GMDS: variants seen among roughly 807,000 people sequenced by gnomAD.
GMDS encodes GDP-mannose 4,6 dehydratase.
Under a neutral mutation model 49.9 loss-of-function variants are expected in GMDS, and 20 were observed. The ratio of observed to expected loss-of-function variants is 0.40; its 90% confidence interval spans 0.28 to 0.58. GMDS has a LOEUF of 0.58. GMDS is among the 20% of genes least tolerant of loss of function. The pLI is 0.42. For missense variants in GMDS, 362 were observed against 481.4 expected, an observed-to-expected ratio of 0.75 and a Z score of 2.32; for synonymous variants, 177 against 178.6, an observed-to-expected ratio of 0.99 and a Z score of 0.07.
intron 6 of GMDS, among the ~76,000 whole-genome samples, chr6:1,932,545 T>TA (rs1250158549): frequency 6.7e-6 from 1 of 150,078 alleles, no homozygotes; most frequent in Non-Finnish European, 1.5e-5. Flanking sequence ...TTCTTTTTTT[T>TA]TTTTTTTTTT....
chr6:2,051,828 A>G (rs1770412427), intron 4 of GMDS, among the ~76,000 whole-genome samples: 1 of 152,170 alleles, frequency 6.6e-6, no homozygotes, highest in African/African-American at 2.4e-5. Context: ...GTATTAAGAA[A>G]AGTGGGCTGG....
chr6:2,198,072 GCTTA>G (rs1438126093), intron 1 of GMDS, among the ~76,000 whole-genome samples: 1 of 152,190 alleles, frequency 6.6e-6, no homozygotes, highest in African/African-American at 2.4e-5. Flanking sequence ...CGTGCCACAG[GCTTA>G]CTGTGAACGA....
In GMDS at chr6:1,778,352, T is replaced by G. The variant is rs1157888041; in HGVS notation, c.772-35766A>C. On this transcript the variant is annotated intron_variant, in intron 7 of 10. Transcript: ENST00000380815. This position sits in a 1 kb window ranked among gnomAD's most constrained non-coding sequence, Gnocchi z 4.6. ...CTGTTTAGGATAATGGAATACTGAT[T>G]GAAGTCAATTATTATAACACCTGAA... Among the ~76,000 whole-genome samples the G allele has an allele frequency of 1.3e-5, 2 of 152,316 alleles. No homozygotes were observed. Among genetic ancestry groups the G allele is most frequent in the Admixed American group, 6.5e-5 (1 of 15,296 alleles).
chr6:1,759,213 G>A (rs1033492518), intron 7 of GMDS, among the ~76,000 whole-genome samples: 2 of 152,204 alleles, frequency 1.3e-5, no homozygotes, highest in Non-Finnish European at 2.9e-5. Context: ...GGGGAAGGAA[G>A]ACTGATAGGG....
chr6:1,719,534 A>C (rs1421113982), intron 9 of GMDS, among the ~76,000 whole-genome samples: 2 of 152,160 alleles, frequency 1.3e-5, no homozygotes, highest in African/African-American at 4.8e-5. Flanking sequence ...TTATCTGTGA[A>C]ATCTCCATGA....
At chr6:2,050,837 C>T (rs182846535) in intron 4 of GMDS, among the ~76,000 whole-genome samples, 50 of 152,236 alleles carry the variant, frequency 3.3e-4, no homozygotes, top group African/African-American at 1.2e-3. Flanking sequence ...ATCCCTTCAT[C>T]CTAAAAACTA....
intron 8 of GMDS, among the ~76,000 whole-genome samples, chr6:1,737,630 C>T (rs1315182862): frequency 1.4e-5 from 2 of 146,650 alleles, no homozygotes; most frequent in Non-Finnish European, 3.0e-5. Context: ...CACACAGATA[C>T]ACACGCACAC....
intron 7 of GMDS, among the ~76,000 whole-genome samples, chr6:1,890,092 G>T (rs1759802528): frequency 6.6e-6 from 1 of 152,078 alleles, no homozygotes; most frequent in Non-Finnish European, 1.5e-5. Flanking sequence ...AAGTTTTCAT[G>T]TGGAAGTATG....
intron 4 of GMDS, among the ~76,000 whole-genome samples, chr6:1,965,669 T>C (rs1282211470): frequency 6.6e-6 from 1 of 151,462 alleles, no homozygotes; most frequent in African/African-American, 2.4e-5. Context: ...CAAAAAAAAT[T>C]AAAAGTAAAA....
chr6:2,182,924 TC>T (rs2127562782), intron 1 of GMDS, among the ~76,000 whole-genome samples: 1 of 152,270 alleles, frequency 6.6e-6, no homozygotes, highest in Admixed American at 6.5e-5. Flanking sequence ...CCCAGGTTGG[TC>T]TCAAGCTCCT....
At chr6:2,008,681 T>C (rs1767355926) in intron 4 of GMDS, among the ~76,000 whole-genome samples, 1 of 152,228 alleles carries the variant, frequency 6.6e-6, no homozygotes, top group Non-Finnish European at 1.5e-5. Flanking sequence ...AGGCCAAGAC[T>C]GTAGAAAATG....
chr6:1,815,097 C>T (rs1205255232), intron 7 of GMDS, among the ~76,000 whole-genome samples: 3 of 152,196 alleles, frequency 2.0e-5, no homozygotes, highest in Admixed American at 6.5e-5. Context: ...TAATCTCCCA[C>T]GTACATAGTA....
chr6:1,875,535 T>G (rs1454503432), intron 7 of GMDS, among the ~76,000 whole-genome samples: 3 of 152,170 alleles, frequency 2.0e-5, no homozygotes, highest in Non-Finnish European at 4.4e-5. Context: ...AGAATTATAT[T>G]GGTAGATTCA....
chr6:1,660,664 C>T (rs945921460), intron 9 of GMDS, among the ~76,000 whole-genome samples: 4 of 149,778 alleles, frequency 2.7e-5, no homozygotes, highest in African/African-American at 9.9e-5. Flanking sequence ...TGCAGATCAA[C>T]TGAATAAGAG....
intron 1 of GMDS, among the ~76,000 whole-genome samples, chr6:2,239,778 C>T (rs908786246): frequency 1.3e-5 from 2 of 152,180 alleles, no homozygotes; most frequent in East Asian, 1.9e-4. Context: ...CTCTGCCTCC[C>T]GGGTTCACCC....
chr6:2,025,410 T>C (rs1768534866), intron 4 of GMDS, among the ~76,000 whole-genome samples: 2 of 141,656 alleles, frequency 1.4e-5, no homozygotes, highest in African/African-American at 5.3e-5. Context: ...GTGTGTGTTT[T>C]GGTAAATATT....
intron 1 of GMDS, among the ~76,000 whole-genome samples, chr6:2,199,571 C>CTAGAACAGCCTAT: frequency 6.6e-6 from 1 of 152,180 alleles, no homozygotes; most frequent in Non-Finnish European, 1.5e-5. Flanking sequence ...ATACAGCCTA[C>CTAGAACAGCCTAT]TCAGGACCTT....
chr6:1,893,193 C>CT (rs1197199049), intron 7 of GMDS, among the ~76,000 whole-genome samples: 39,061 of 127,446 alleles, frequency 0.31, 6,313 homozygotes, highest in African/African-American at 0.36. Flanking sequence ...TTTTTGTTTT[C>CT]TTTTTTTTTT....
At chr6:1,709,636 G>A (rs890879308) in intron 9 of GMDS, among the ~76,000 whole-genome samples, 2 of 152,216 alleles carry the variant, frequency 1.3e-5, no homozygotes, top group African/African-American at 2.4e-5. Context: ...GACAAGTAAC[G>A]TGGGTGGGCC....
Sources: gnomAD v4.1 joint callset for allele counts (sites outside exome capture counted in the v4.1 genomes callset) on GRCh38, gnomAD v4.1.1 for gene constraint, Gnocchi (gnomAD v3.1) non-coding constraint, MANE v1.5 for transcripts, NCBI Gene and HGNC (gene_info 2026-07-23, HGNC 2026-07-21) for gene names.